The following METTL6 variants were observed in gnomAD, a reference collection of about 807,000 sequenced individuals.
METTL6 encodes tRNA N(3)-cytidine methyltransferase METTL6.
Under a neutral mutation model 26.4 loss-of-function variants are expected in METTL6, and 22 were observed. The observed-to-expected ratio is 0.83, with a 90% CI of 0.59 to 1.19. The LOEUF (loss-of-function observed/expected upper bound fraction) is 1.19, where lower values mean the gene tolerates loss of function less well. Among genes scored for constraint, METTL6 ranks in the 50% most tolerant of loss-of-function variants. METTL6 has a pLI of 0.00. For synonymous variants in METTL6, 109 were observed against 116.2 expected (o/e 0.94, Z 0.40); for missense variants, 304 against 324.8 (o/e 0.94, Z 0.49).
At chr3:15,397,336 C>T (rs536210208) in intron 6 of METTL6, among the ~76,000 whole-genome samples, 36 of 152,288 alleles carry the variant, frequency 2.4e-4, no homozygotes, top group Middle Eastern at 3.4e-3. Context: ...GTCGGAAAAG[C>T]GCAGTAGTAG....
In METTL6 at chr3:15,414,018, T is replaced by C. The variant is rs756893010; in HGVS notation, c.673+3A>G. ...TTTAAAGACTGGATTCCATTCATCT[T>C]ACCATCAGTAAAAAAATATGATCTG... On this transcript the variant is annotated splice_donor_region_variant and intron_variant, in intron 5 of 5. Transcript: ENST00000383790. 2.5e-6 allele frequency: 4 copies of C among 1,614,024 alleles called. No individual in the cohort carries two copies. The East Asian group carries it at 6.7e-5, about 27-fold the overall frequency.
At chr3:15,399,546 G>C (rs528137864) in intron 6 of METTL6, 1 of 48,628 alleles carries the variant, frequency 2.1e-5, no homozygotes, top group South Asian at 6.0e-4. Flanking sequence ...AGGAGAAATT[G>C]TGTGTGTGTG....
intron 6 of METTL6, among the ~76,000 whole-genome samples, chr3:15,392,874 G>A (rs1444033954): frequency 5.9e-5 from 9 of 152,152 alleles, no homozygotes; most frequent in Non-Finnish European, 2.9e-5. Context: ...TTTGGTACCA[G>A]TACCATGCTG....
intron 6 of METTL6, among the ~76,000 whole-genome samples, chr3:15,384,966 G>T (rs910753916): frequency 5.9e-5 from 9 of 152,288 alleles, no homozygotes; most frequent in African/African-American, 2.2e-4. Context: ...ACTGAAGTGA[G>T]AAAGAGAAGT....
At chr3:15,397,271 G>A (rs111320220) in intron 6 of METTL6, among the ~76,000 whole-genome samples, 78 of 152,322 alleles carry the variant, frequency 5.1e-4, no homozygotes, top group African/African-American at 1.4e-3. Context: ...GTGGGCGTAG[G>A]ACCCTCCGAG....
Position 15,414,162 on chromosome 3 carries a change from C to A in METTL6, c.532G>T (p.Val178Leu), listed in dbSNP as rs747462905. The change falls in exon 5 of 6, where the codon GTA becomes TTA. Residue 178 changes from valine to leucine, a missense_variant and splice_region_variant. Coordinates refer to ENST00000383790, the MANE Select transcript of METTL6 (RefSeq NM_152396.4). Reference sequence around the variant, plus strand: ...AAGACACTTTTGCCTGGTTTTAATACCTATGAAACAAAAGCAGGCTGAACA... The same window carrying A: ...AAGACACTTTTGCCTGGTTTTAATAACTATGAAACAAAAGCAGGCTGAACA... ...MHLVLQNIYK[V>L]LKPGKSVLFR... is the part of the protein sequence containing the mutation. 1 of 1,604,276 alleles carries A rather than the reference C, an allele frequency of 6.2e-7. No individual in the cohort carries two copies. Among genetic ancestry groups the A allele is most frequent in the Non-Finnish European group, 8.5e-7 (1 of 1,177,034 alleles).
chr3:15,415,629 C>T (rs761164405), intron 4 of METTL6, 143 bp downstream of exon 4: 2 of 1,607,902 alleles, frequency 1.2e-6, no homozygotes, highest in East Asian at 2.2e-5. Context: ...CCAGAGGACC[C>T]CTTTCTATAC....
downstream of METTL6, among the ~76,000 whole-genome samples, chr3:15,404,937 C>A (rs888381262): frequency 2.6e-5 from 4 of 152,186 alleles, no homozygotes; most frequent in Admixed American, 6.5e-5. Flanking sequence ...CATGGCCCTG[C>A]AAAACAGTCT....
At chr3:15,393,665 C>A (rs191448349) in intron 6 of METTL6, among the ~76,000 whole-genome samples, 1 of 152,198 alleles carries the variant, frequency 6.6e-6, no homozygotes, top group East Asian at 1.9e-4. Flanking sequence ...TTTTGAGATA[C>A]GTCCCATCAG....
intron 6 of METTL6, among the ~76,000 whole-genome samples, chr3:15,388,012 A>G (rs940057273): frequency 6.6e-6 from 1 of 152,134 alleles, no homozygotes; most frequent in African/African-American, 2.4e-5. Context: ...AGAGTAATTC[A>G]CACAGACCAG....
intron 6 of METTL6, among the ~76,000 whole-genome samples, chr3:15,387,009 G>A (rs996394207): frequency 3.3e-5 from 5 of 152,002 alleles, no homozygotes; most frequent in Admixed American, 3.3e-4. Flanking sequence ...TGTTGCCCAG[G>A]CTGGTCTTGA....
rs540802719 is a variant in METTL6, at chr3:15,414,125, T to C, written c.569A>G (p.Tyr190Cys). The stretch of plus-strand genomic sequence containing the variant: ...AAGCATGGCATGATCATACAGTCCG[T>C]AGTCACGAAACAAGACACTTTTGCC... Reference protein sequence around the residue: ...KPGKSVLFRDYGLYDHAMLRF... With the variant: ...KPGKSVLFRDCGLYDHAMLRF... The change falls in exon 5 of 6, where the codon TAC (tyrosine) becomes TGC (cysteine). Residue 190 changes from tyrosine to cysteine, a missense_variant. By Grantham distance (194) the Tyr-to-Cys change is radical (BLOSUM62 -2). Transcript: ENST00000383790. 1 of 1,613,660 alleles carries C rather than the reference T, an allele frequency of 6.2e-7. No homozygotes were observed. Among genetic ancestry groups the C allele is most frequent in the East Asian group, 2.2e-5 (1 of 44,872 alleles).
intron 2 of METTL6, 149 bp downstream of exon 2, chr3:15,426,138 A>G (rs1036001978): frequency 2.9e-5 from 20 of 701,040 alleles, no homozygotes; most frequent in Non-Finnish European, 4.5e-5. Flanking sequence ...ACGGGGTTTC[A>G]TCATGTTGGC....
chr3:15,396,461 T>C (rs1006007103), intron 6 of METTL6, among the ~76,000 whole-genome samples: 1 of 152,190 alleles, frequency 6.6e-6, no homozygotes, highest in Non-Finnish European at 1.5e-5. Flanking sequence ...CAGAGTAGTT[T>C]GATTGTCTGA....
chr3:15,402,966 T>C (rs570121548), intron 6 of METTL6, among the ~76,000 whole-genome samples: 113 of 152,280 alleles, frequency 7.4e-4, no homozygotes, highest in African/African-American at 2.7e-3. Context: ...AACTATAAAC[T>C]AAATTCCTCC....
Position 15,427,500 on chromosome 3 carries a change from G to C in METTL6, c.-223C>G, listed in dbSNP as rs1337436468. 4 of 499,520 alleles carry C rather than the reference G, an allele frequency of 8.0e-6. No homozygotes were observed. Among genetic ancestry groups the C allele is most frequent in the Admixed American group, 3.6e-5 (1 of 28,124 alleles). 30.9% of individuals were successfully genotyped at this position (499,520 alleles called of 1,614,324 possible). A position where few individuals can be genotyped will look rare whatever the true frequency, so the allele number is the denominator to read the frequency against. ...AGGACCACGAATTCGGATTATCCGGGAGTTCTTTTGCCATGGCACCGCCCC... is the reference window on the plus strand; with the variant it reads ...AGGACCACGAATTCGGATTATCCGGCAGTTCTTTTGCCATGGCACCGCCCC... On this transcript the variant is annotated 5_prime_UTR_variant, in exon 1 of 6. Coordinates refer to ENST00000383790, the MANE Select transcript of METTL6 (RefSeq NM_152396.4).
downstream of METTL6, among the ~76,000 whole-genome samples, chr3:15,406,614 A>T (rs1368400519): frequency 9.8e-6 from 1 of 102,362 alleles, no homozygotes; most frequent in African/African-American, 4.3e-5. Flanking sequence ...ATATATATAT[A>T]TATATATATA....
chr3:15,396,282 C>A (rs186388867), intron 6 of METTL6, among the ~76,000 whole-genome samples: 11 of 152,144 alleles, frequency 7.2e-5, no homozygotes, highest in African/African-American at 2.7e-4. Flanking sequence ...TTGATTGAAT[C>A]GGCTACTGAG....
At chr3:15,389,849 A>AT (rs58728599) in intron 6 of METTL6, among the ~76,000 whole-genome samples, 53,620 of 132,886 alleles carry the variant, frequency 0.4, 10,814 homozygotes, top group East Asian at 0.49. Flanking sequence ...CGCCCGGCCA[A>AT]TTTTTTTTTT....
Sources: allele counts gnomAD v4.1 joint callset (sites outside exome capture counted in the v4.1 genomes callset), GRCh38; gene constraint gnomAD v4.1.1; transcripts MANE v1.5; gene names NCBI Gene and HGNC (gene_info 2026-07-23, HGNC 2026-07-21).